PTAR1: variants seen among roughly 807,000 people sequenced by gnomAD.
The protein encoded by PTAR1 is protein prenyltransferase alpha subunit repeat-containing protein 1.
In PTAR1, 17 loss-of-function variants were observed where a neutral mutation model predicts 45.5. The observed-to-expected ratio is 0.37, with a 90% CI of 0.26 to 0.56. PTAR1 has a LOEUF of 0.56. Ranked by LOEUF, PTAR1 falls within the 20% of genes least tolerant of loss-of-function variation. PTAR1 has a pLI of 0.77. For synonymous variants in PTAR1, 169 were observed against 171.3 expected (o/e 0.99, Z 0.11); for missense variants, 391 against 476.3 (o/e 0.82, Z 1.67).
Position 69,711,782 on chromosome 9 carries a change from C to T in PTAR1, c.*6560G>A, listed in dbSNP as rs769026667. On this transcript the variant is annotated 3_prime_UTR_variant, in exon 8 of 8. Coordinates refer to ENST00000340434, the MANE Select transcript of PTAR1 (RefSeq NM_001099666.2). ...TTCTGTATAAATAATACTTCTATTA[C>T]GTTACTAACTCCAGCTTAAATAAGC... 4 of 152,092 alleles carry T rather than the reference C, an allele frequency of 2.6e-5. No individual in the cohort carries two copies. Among genetic ancestry groups the T allele is most frequent in the Non-Finnish European group, 5.9e-5 (4 of 68,008 alleles). The allele number at this position is 152,092 out of a possible 1,614,324, so 9.4% of individuals were successfully genotyped here.
intron 2 of PTAR1, among the ~76,000 whole-genome samples, chr9:69,748,145 C>T (rs1826356597): frequency 2.0e-5 from 3 of 151,876 alleles, no homozygotes; most frequent in Admixed American, 2.0e-4. Flanking sequence ...GCCTGGTCAG[C>T]CAAAGAAATG....
rs1824755944 is a variant in PTAR1, at chr9:69,717,050, C to G, written c.*1292G>C. ...CCTCATCCCACCTACCTGAAAAACT[C>G]AGCCCTTGTTATTGGAAACATAAGA... On this transcript the variant is annotated 3_prime_UTR_variant, in exon 8 of 8. Coordinates refer to ENST00000340434, the MANE Select transcript of PTAR1 (RefSeq NM_001099666.2). 1 of 152,158 alleles carries G rather than the reference C, an allele frequency of 6.6e-6. No homozygotes were observed. The highest frequency in any genetic ancestry group is 1.5e-5 in the Non-Finnish European group (1 of 68,028). The allele number at this position is 152,158 out of a possible 1,614,324, so 9.4% of individuals were successfully genotyped here.
At position 69,756,951 on chromosome 9, in the gene PTAR1, T is replaced by C. The variant is rs150940461; in HGVS notation, c.86+2902A>G. Among the ~76,000 whole-genome samples the C allele has an allele frequency of 5.7e-3, 872 of 152,306 alleles. 8 individuals carry two copies. The highest frequency in any genetic ancestry group is 0.018 in the African/African-American group (740 of 41,548). ...TTTAAAATGTGGTCCCTGTTCATAT[T>C]AGGGACACTTCAATTGCTCAATAGC... On this transcript the variant is annotated intron_variant, in intron 1 of 7. Transcript: ENST00000340434.
At position 69,718,241 on chromosome 9, in the gene PTAR1, T is replaced by C. The variant is rs1824809361; in HGVS notation, c.*101A>G. The C allele has an allele frequency of 1.3e-6, 1 of 756,074 alleles. No individual in the cohort carries two copies. Among genetic ancestry groups the C allele is most frequent in the Non-Finnish European group, 2.1e-6 (1 of 482,168 alleles). 46.8% of individuals were successfully genotyped at this position (756,074 alleles called of 1,614,324 possible). On this transcript the variant is annotated 3_prime_UTR_variant, in exon 8 of 8. Coordinates refer to ENST00000340434, the MANE Select transcript of PTAR1 (RefSeq NM_001099666.2). ...TTTCAACCTAAAGACGAAGAACATATGGTTAGCCAATAATAGTAAACAGTT... is the reference window on the plus strand; with the variant it reads ...TTTCAACCTAAAGACGAAGAACATACGGTTAGCCAATAATAGTAAACAGTT...
chr9:69,732,332 A>G lies in PTAR1; in HGVS notation c.449T>C (p.Leu150Pro), dbSNP rs766468864. 1 of 1,613,650 alleles carries G rather than the reference A, an allele frequency of 6.2e-7. No homozygotes were observed. The highest frequency in any genetic ancestry group is 8.5e-7 in the Non-Finnish European group (1 of 1,179,578). ...WIHRRWVLQQ[L>P]IQETSLPSFV... ...GGAAGGCAAGGAGGTTTCCTGAATT[A>G]GCTGTTGTAGCACCCATCGCCTGTT... Residue 150 changes from leucine to proline, a missense_variant, in exon 5 of 8, where the codon CTA (leucine) becomes CCA (proline). Physicochemically the swap from Leu to Pro is moderately conservative, Grantham distance 98. This residue lies in a region of PTAR1 where 9 missense variants were observed against 27.7 expected (regional missense o/e 0.33). Transcript: ENST00000340434.
At chr9:69,752,577 AG>A (rs1254983639) in intron 1 of PTAR1, among the ~76,000 whole-genome samples, 1 of 152,088 alleles carries the variant, frequency 6.6e-6, no homozygotes, top group Non-Finnish European at 1.5e-5. Flanking sequence ...TACTATCATA[AG>A]TTTTCTGATT....
At chr9:69,759,720 C>T in intron 1 of PTAR1, 133 bp downstream of exon 1, 3 of 857,326 alleles carry the variant, frequency 3.5e-6, no homozygotes, top group Non-Finnish European at 5.0e-6. Flanking sequence ...CCCGACACGG[C>T]TCTGCCTCCT....
At chr9:69,723,284 A>T (rs781232430) in intron 6 of PTAR1, 42 bp downstream of exon 6, 18 of 1,531,918 alleles carry the variant, frequency 1.2e-5, no homozygotes, top group African/African-American at 4.1e-5. Flanking sequence ...TCTCATGAAG[A>T]CATGCAGTTT....
chr9:69,730,896 C>T (rs1009041705), intron 5 of PTAR1, among the ~76,000 whole-genome samples: 2 of 151,906 alleles, frequency 1.3e-5, no homozygotes, highest in African/African-American at 4.8e-5. Flanking sequence ...TATTAGATGC[C>T]CAGTAATTTA....
intron 1 of PTAR1, among the ~76,000 whole-genome samples, chr9:69,754,019 T>C (rs566702169): frequency 4.5e-4 from 68 of 152,304 alleles, no homozygotes; most frequent in African/African-American, 1.6e-3. Context: ...CTTTGTCAAG[T>C]TATGTGACCC....
chr9:69,749,883 TAG>T (rs1826446221), intron 2 of PTAR1, among the ~76,000 whole-genome samples: 1 of 152,080 alleles, frequency 6.6e-6, no homozygotes, highest in African/African-American at 2.4e-5. Flanking sequence ...CTGGTATGAG[TAG>T]ACCCTTGGTA....
chr9:69,739,563 T>C (rs1328039859), intron 3 of PTAR1, among the ~76,000 whole-genome samples: 1 of 152,214 alleles, frequency 6.6e-6, no homozygotes, highest in African/African-American at 2.4e-5. Context: ...TCTATTGCAT[T>C]ATTCTTTAGC....
intron 2 of PTAR1, among the ~76,000 whole-genome samples, chr9:69,747,154 T>C (rs138690920): frequency 2.3e-3 from 350 of 152,332 alleles, no homozygotes; most frequent in African/African-American, 8.2e-3. Context: ...TAAATAAAAA[T>C]GATCCACAAT....
chr9:69,732,123 A>G lies in PTAR1; in HGVS notation c.642+16T>C, dbSNP rs1825565933. On this transcript the variant is annotated intron_variant, in intron 5 of 7. Transcript: ENST00000340434. The stretch of plus-strand genomic sequence containing the variant: ...GGCAGACAGGCAGTCTGCCCAGGAG[A>G]CAGTAATATTCCTACCTTGACATCT... The G allele has an allele frequency of 6.3e-7, 1 of 1,582,592 alleles. No individual in the cohort carries two copies. The highest frequency in any genetic ancestry group is 8.7e-7 in the Non-Finnish European group (1 of 1,153,476).
intron 2 of PTAR1, among the ~76,000 whole-genome samples, chr9:69,743,090 C>T (rs1485590129): frequency 2.6e-5 from 4 of 152,036 alleles, no homozygotes; most frequent in Non-Finnish European, 5.9e-5. Flanking sequence ...ATAATTATTA[C>T]CATTTATTTA....
At chr9:69,733,211 T>A (rs562837550) in intron 4 of PTAR1, among the ~76,000 whole-genome samples, 105 of 152,156 alleles carry the variant, frequency 6.9e-4, no homozygotes, top group African/African-American at 2.4e-3. Context: ...CCTGCCACCA[T>A]CCCTTTCCAA....
chr9:69,755,573 T>C (rs1171912494), intron 1 of PTAR1, among the ~76,000 whole-genome samples: 1 of 152,042 alleles, frequency 6.6e-6, no homozygotes, highest in Non-Finnish European at 1.5e-5. Flanking sequence ...CAGAAAACAG[T>C]CCAAGGATTC....
chr9:69,734,885 A>C (rs1395213873), intron 3 of PTAR1, among the ~76,000 whole-genome samples: 1 of 152,196 alleles, frequency 6.6e-6, no homozygotes, highest in African/African-American at 2.4e-5. Flanking sequence ...GATTCTATAT[A>C]ATCTTTGTAA....
chr9:69,756,602 G>C (rs992898600), intron 1 of PTAR1, among the ~76,000 whole-genome samples: 1 of 152,070 alleles, frequency 6.6e-6, no homozygotes, highest in Non-Finnish European at 1.5e-5. Context: ...CACTTTGCTT[G>C]TTTAGGTCAA....
Sources: gnomAD v4.1 joint callset for allele counts (sites outside exome capture counted in the v4.1 genomes callset) on GRCh38, gnomAD v4.1.1 for gene constraint, gnomAD v4.1.1 regional missense constraint, MANE v1.5 for transcripts, NCBI Gene and HGNC (gene_info 2026-07-23, HGNC 2026-07-21) for gene names.